The following BRINP3 variants were observed in gnomAD, a reference collection of about 807,000 sequenced individuals.
The protein encoded by BRINP3 is BMP/retinoic acid-inducible neural-specific protein 3.
BRINP3 carries 19 observed loss-of-function variants against 71.0 expected under a neutral mutation model. The observed-to-expected ratio is 0.27, with a 90% CI of 0.19 to 0.39. The LOEUF (loss-of-function observed/expected upper bound fraction) is 0.39. BRINP3 is among the 10% of genes least tolerant of loss of function. The pLI is 1.00. For missense variants in BRINP3, 959 were observed against 940.8 expected, an observed-to-expected ratio of 1.02 and a Z score of -0.25; for synonymous variants, 380 against 337.7, an observed-to-expected ratio of 1.13 and a Z score of -1.37.
intron 2 of BRINP3, among the ~76,000 whole-genome samples, chr1:190,409,073 C>T (rs1382917539): frequency 6.6e-6 from 1 of 152,104 alleles, no homozygotes; most frequent in African/African-American, 2.4e-5. Context: ...AATTATCTGG[C>T]CCATATTATC....
chr1:190,429,581 C>T (rs1317281496), intron 2 of BRINP3, among the ~76,000 whole-genome samples: 8 of 148,462 alleles, frequency 5.4e-5, no homozygotes, highest in Middle Eastern at 3.6e-3. Flanking sequence ...TTAATTACAT[C>T]TTTCTTTCTT....
At chr1:190,464,932 A>G (rs1355360978) in intron 1 of BRINP3, among the ~76,000 whole-genome samples, 1 of 152,010 alleles carries the variant, frequency 6.6e-6, no homozygotes, top group Non-Finnish European at 1.5e-5. Context: ...TTCCTCTGAG[A>G]AATGTGTACT....
chr1:190,285,425 C>A (rs1663346346), intron 2 of BRINP3, among the ~76,000 whole-genome samples: 1 of 152,034 alleles, frequency 6.6e-6, no homozygotes, highest in African/African-American at 2.4e-5. Context: ...ATATCCCTAA[C>A]GCTTAACAGG....
chr1:190,379,987 G>T lies in BRINP3; in HGVS notation c.236+74668C>A, dbSNP rs531142165. Among the ~76,000 whole-genome samples, 552 of 104,736 alleles carry T rather than the reference G, an allele frequency of 5.3e-3. 5 individuals carry two copies. The highest frequency in any genetic ancestry group is 4.9e-3 in the South Asian group (15 of 3,084). 68.7% of individuals were successfully genotyped at this position (104,736 alleles called of 152,430 possible). ...CACTCCCGCCTGGGCAACAGGGAGA[G>T]ACTCCACCTCAAAAAAAAAAAAAAA... is the stretch of plus-strand genomic sequence containing the variant. On this transcript the variant is annotated intron_variant, in intron 2 of 7. Coordinates refer to ENST00000367462, the MANE Select transcript of BRINP3 (RefSeq NM_199051.3).
intron 2 of BRINP3, among the ~76,000 whole-genome samples, chr1:190,443,639 T>G (rs1405185430): frequency 2.0e-5 from 3 of 152,092 alleles, no homozygotes; most frequent in East Asian, 1.9e-4. Context: ...AGAAAGATGT[T>G]GTAAAAGTAT....
chr1:190,101,818 A>T (rs1651726634), intron 7 of BRINP3, among the ~76,000 whole-genome samples: 2 of 152,210 alleles, frequency 1.3e-5, no homozygotes, highest in Non-Finnish European at 2.9e-5. Context: ...GCAAAGATAG[A>T]GCTCACAAAA....
intron 4 of BRINP3, among the ~76,000 whole-genome samples, chr1:190,236,163 A>G (rs1264873587): frequency 6.6e-6 from 1 of 151,990 alleles, no homozygotes; most frequent in Non-Finnish European, 1.5e-5. Flanking sequence ...AAAACAAGAC[A>G]TAACAAGGTT....
intron 6 of BRINP3, among the ~76,000 whole-genome samples, chr1:190,209,640 G>C (rs1438405279): frequency 6.6e-6 from 1 of 152,100 alleles, no homozygotes; most frequent in African/African-American, 2.4e-5. Flanking sequence ...TAAAATATTT[G>C]CTCAGTACTT....
At chr1:190,164,113 G>T (rs534784539) in intron 6 of BRINP3, among the ~76,000 whole-genome samples, 4 of 152,196 alleles carry the variant, frequency 2.6e-5, no homozygotes, top group Admixed American at 2.0e-4. Context: ...ATCAGACTCA[G>T]ATACATACCC....
chr1:190,141,027 G>T (rs1655387755), intron 7 of BRINP3, among the ~76,000 whole-genome samples: 1 of 152,096 alleles, frequency 6.6e-6, no homozygotes, highest in South Asian at 2.1e-4. Context: ...TTAGCAACAG[G>T]TGCAGAATTA....
intron 7 of BRINP3, among the ~76,000 whole-genome samples, chr1:190,121,854 T>A (rs1653692273): frequency 6.6e-6 from 1 of 151,946 alleles, no homozygotes; most frequent in Non-Finnish European, 1.5e-5. Context: ...AAAAGCAAAT[T>A]AGGAGTATGT....
intron 1 of BRINP3, among the ~76,000 whole-genome samples, chr1:190,459,028 T>G (rs1676200984): frequency 6.6e-6 from 1 of 151,612 alleles, no homozygotes; most frequent in Non-Finnish European, 1.5e-5. Flanking sequence ...ACATGGTGTT[T>G]AATTAAGTAT....
chr1:190,288,529 C>T (rs1363683459), intron 2 of BRINP3, among the ~76,000 whole-genome samples: 1 of 151,804 alleles, frequency 6.6e-6, no homozygotes, highest in Admixed American at 6.6e-5. Flanking sequence ...GTAAAGCTTT[C>T]AGAATTTTTG....
chr1:190,264,830 G>A lies in BRINP3; in HGVS notation c.618+35C>T, dbSNP rs763343462. 5 of 1,578,992 alleles carry A rather than the reference G, an allele frequency of 3.2e-6. No homozygotes were observed. In the East Asian group the frequency reaches 6.9e-5, roughly 22 times the overall value. ...TTTGGATATAGAGGAAACAAACAAT[G>A]GAAGGTGATAATTTTAGCGTAAACT... On this transcript the variant is annotated intron_variant, in intron 4 of 7. Coordinates refer to ENST00000367462, the MANE Select transcript of BRINP3 (RefSeq NM_199051.3).
At chr1:190,393,927 C>T (rs1671413756) in intron 2 of BRINP3, among the ~76,000 whole-genome samples, 1 of 151,548 alleles carries the variant, frequency 6.6e-6, no homozygotes, top group Non-Finnish European at 1.5e-5. Flanking sequence ...ATAGAGGAAA[C>T]ATGGTTTAAG....
intron 2 of BRINP3, among the ~76,000 whole-genome samples, chr1:190,404,180 T>G (rs1350057239): frequency 6.6e-6 from 1 of 152,122 alleles, no homozygotes; most frequent in Non-Finnish European, 1.5e-5. Context: ...GTTTTGTTAT[T>G]TACAAATAGT....
intron 6 of BRINP3, among the ~76,000 whole-genome samples, chr1:190,208,183 C>G (rs1024361512): frequency 2.6e-5 from 4 of 151,756 alleles, no homozygotes; most frequent in Non-Finnish European, 2.9e-5. Context: ...GTCTTGAACT[C>G]CTGGACTCAA....
chr1:190,136,815 G>A (rs1460815099), intron 7 of BRINP3, among the ~76,000 whole-genome samples: 1 of 151,966 alleles, frequency 6.6e-6, no homozygotes, highest in Non-Finnish European at 1.5e-5. Context: ...TATGAGAAGT[G>A]CATATGGGAT....
At chr1:190,384,379 A>G (rs1455044542) in intron 2 of BRINP3, among the ~76,000 whole-genome samples, 2 of 151,872 alleles carry the variant, frequency 1.3e-5, no homozygotes, top group Non-Finnish European at 2.9e-5. Context: ...CATTATTTTA[A>G]GTAATGAAAA....
Sources: allele counts gnomAD v4.1 joint callset (sites outside exome capture counted in the v4.1 genomes callset), GRCh38; gene constraint gnomAD v4.1.1; transcripts MANE v1.5; gene names NCBI Gene and HGNC (gene_info 2026-07-23, HGNC 2026-07-21).